CD80: variants seen among roughly 807,000 people sequenced by gnomAD.
The protein encoded by CD80 is CD80 molecule.
Under a neutral mutation model 27.1 loss-of-function variants are expected in CD80, and 13 were observed. The observed-to-expected ratio is 0.48, with a 90% CI of 0.31 to 0.76. CD80 has a LOEUF of 0.76. Ranked by LOEUF, CD80 falls within the 30% of genes least tolerant of loss-of-function variation. CD80 has a pLI of 0.04. For missense variants in CD80, 277 were observed against 347.9 expected (o/e 0.80, Z 1.62); for synonymous variants, 125 against 125.5 (o/e 1.00, Z 0.03).
rs560336545 is a variant in CD80 at position 119,538,990 on chromosome 3, A to G, written c.419-1572T>C. On this transcript the variant is annotated intron_variant, in intron 3 of 6. Transcript: ENST00000264246. Reference sequence around the variant, plus strand: ...CCATGACCAGTATTTTTTAATTTGCATATTTATTTCTGGATGGGTTTTCCC... The same window carrying G: ...CCATGACCAGTATTTTTTAATTTGCGTATTTATTTCTGGATGGGTTTTCCC... Among the ~76,000 whole-genome samples the G allele has an allele frequency of 4.8e-4, 73 of 152,242 alleles. No homozygotes were observed. In the South Asian group the frequency reaches 0.015, roughly 32 times the overall value.
intron 6 of CD80, among the ~76,000 whole-genome samples, chr3:119,526,480 G>C (rs2082066761): frequency 6.6e-6 from 1 of 152,184 alleles, no homozygotes; most frequent in Non-Finnish European, 1.5e-5. Flanking sequence ...TGAAAAAACA[G>C]GATAGGAAGT....
intron 2 of CD80, among the ~76,000 whole-genome samples, chr3:119,549,513 C>CCTT (rs2082219849): frequency 1.3e-5 from 2 of 152,190 alleles, no homozygotes; most frequent in Non-Finnish European, 2.9e-5. Context: ...CCCCTGGAGC[C>CCTT]ACACAGATCC....
At chr3:119,537,465 T>C (rs762931856) in intron 3 of CD80, 47 bp from the exon 4 acceptor site, 2 of 1,304,466 alleles carry the variant, frequency 1.5e-6, no homozygotes, top group Non-Finnish European at 2.2e-6. Flanking sequence ...TACAAACCTA[T>C]GTGTGTAGAG....
At chr3:119,548,069 C>T (rs111708003) in intron 2 of CD80, among the ~76,000 whole-genome samples, 1 of 152,050 alleles carries the variant, frequency 6.6e-6, no homozygotes, top group Non-Finnish European at 1.5e-5. Context: ...GCAACCTCCA[C>T]CCCCAGGTTC....
chr3:119,532,998 A>G (rs1485907513), intron 4 of CD80, among the ~76,000 whole-genome samples: 1 of 152,258 alleles, frequency 6.6e-6, no homozygotes, highest in Non-Finnish European at 1.5e-5. Flanking sequence ...AGTGATTACC[A>G]GAGTTGACCT....
chr3:119,543,373 T>A (rs2082181000), intron 3 of CD80, among the ~76,000 whole-genome samples: 2 of 151,840 alleles, frequency 1.3e-5, no homozygotes, highest in Admixed American at 6.6e-5. Flanking sequence ...GTGGCAGGAA[T>A]TAATTATGCA....
intron 4 of CD80, among the ~76,000 whole-genome samples, chr3:119,534,167 C>T (rs928754498): frequency 3.3e-5 from 5 of 151,872 alleles, no homozygotes; most frequent in African/African-American, 1.2e-4. Flanking sequence ...ATCAGGAGTT[C>T]GAGACCAGCC....
Position 119,557,707 on chromosome 3 carries a change from C to T in CD80, c.22G>A (p.Gly8Arg), listed in dbSNP as rs772876009. The change falls in exon 2 of 7, where the codon GGA becomes AGA. Residue 8 changes from glycine (G) to arginine (R), a missense_variant. Physicochemically the swap from Gly to Arg is moderately radical, Grantham distance 125. Transcript: ENST00000264246. ...TATGGACACTTGGATGGTGATGTTC[C>T]CTGCCTCCGTGTGTGGCCCATGGCT... MGHTRRQ[G>R]TSPSKCPYLN... 6.2e-7 allele frequency: 1 copy of T among 1,612,816 alleles called. No homozygotes were observed. The highest frequency in any genetic ancestry group is 1.7e-5 in the Admixed American group (1 of 59,928).
chr3:119,538,324 C>T (rs904753530), intron 3 of CD80, among the ~76,000 whole-genome samples: 3 of 152,038 alleles, frequency 2.0e-5, no homozygotes, highest in Non-Finnish European at 4.4e-5. Context: ...TTCTTTTCTT[C>T]CTGATGCTTG....
rs559692015 is a variant in CD80 at position 119,539,726 on chromosome 3, G to T, written c.419-2308C>A. Among the ~76,000 whole-genome samples, 3 of 143,712 alleles carry T rather than the reference G, an allele frequency of 2.1e-5. No homozygotes were observed. The East Asian group carries it at 5.8e-4, about 28-fold the overall frequency. The allele number at this position is 143,712 out of a possible 152,430, so 94.3% of individuals were successfully genotyped here. A position where few individuals can be genotyped will look rare whatever the true frequency, so the allele number is the denominator to read the frequency against. ...AAGAGATTAGCTTCTTAGCATGAATGTAGGGATTCAATCTCCTCATAGAGT... is the reference window on the plus strand; with the variant it reads ...AAGAGATTAGCTTCTTAGCATGAATTTAGGGATTCAATCTCCTCATAGAGT... On this transcript the variant is annotated intron_variant, in intron 3 of 6. Transcript: ENST00000264246.
rs531950603 is a variant in CD80, at chr3:119,546,234, C to T, written c.101-1367G>A. Among the ~76,000 whole-genome samples, 21 of 152,296 alleles carry T rather than the reference C, an allele frequency of 1.4e-4. No individual in the cohort carries two copies. The East Asian group carries it at 3.5e-3, about 25-fold the overall frequency. ...ACACAATACCACCCCCAAGAGAAGT[C>T]AGTCCTGACTAAGGTTCTGGGTACA... On this transcript the variant is annotated intron_variant, in intron 2 of 6. Transcript: ENST00000264246.
chr3:119,558,855 AAT>A (rs1349996631), intron 1 of CD80, among the ~76,000 whole-genome samples: 2 of 152,072 alleles, frequency 1.3e-5, no homozygotes, highest in Non-Finnish European at 1.5e-5. Flanking sequence ...GAGAAATGAA[AAT>A]AAACACTGTG....
At chr3:119,538,139 A>G (rs1333370201) in intron 3 of CD80, among the ~76,000 whole-genome samples, 3 of 152,250 alleles carry the variant, frequency 2.0e-5, no homozygotes, top group African/African-American at 7.2e-5. Flanking sequence ...AAGGTCAAAG[A>G]TCAGTAATTT....
intron 4 of CD80, among the ~76,000 whole-genome samples, chr3:119,535,157 A>C (rs1289391048): frequency 1.3e-5 from 2 of 149,578 alleles, no homozygotes; most frequent in Non-Finnish European, 1.5e-5. Context: ...ACGCCACTGC[A>C]CTCCAGCCTG....
intron 5 of CD80, among the ~76,000 whole-genome samples, chr3:119,528,504 C>A (rs2082090888): frequency 6.6e-6 from 1 of 152,140 alleles, no homozygotes; most frequent in Admixed American, 6.5e-5. Flanking sequence ...GTCTAACACC[C>A]AAAGTGTAAA....
At position 119,529,929 on chromosome 3, in the gene CD80, C is replaced by T. The variant is rs1471409221; in HGVS notation, c.709G>A (p.Glu237Lys). 1 of 1,611,016 alleles carries T rather than the reference C, an allele frequency of 6.2e-7. No homozygotes were observed. Among genetic ancestry groups the T allele is most frequent in the Non-Finnish European group, 8.5e-7 (1 of 1,177,302 alleles). ...GGGAGCAGGTTATCAGGAAAATGCTCTTGCTTGGCTATGGAGGGAAAAGAA... is the reference window on the plus strand; with the variant it reads ...GGGAGCAGGTTATCAGGAAAATGCTTTTGCTTGGCTATGGAGGGAAAAGAA... ...QTFNWNTTKQ[E>K]HFPDNLLPSW... The change falls in exon 5 of 7, where the codon GAG becomes AAG. Residue 237 changes from glutamate (E) to lysine (K), a missense_variant. By Grantham distance (56) the Glu-to-Lys change is moderately conservative. Coordinates refer to ENST00000264246, the MANE Select transcript of CD80 (RefSeq NM_005191.4).
chr3:119,553,761 T>C (rs1452371792), intron 2 of CD80, among the ~76,000 whole-genome samples: 1 of 152,278 alleles, frequency 6.6e-6, no homozygotes, highest in East Asian at 1.9e-4. Flanking sequence ...GTGTGCTTTT[T>C]AAATAAACAT....
intron 4 of CD80, among the ~76,000 whole-genome samples, 197 bp from the exon 5 acceptor site, chr3:119,530,134 A>G (rs1211834074): frequency 6.6e-6 from 1 of 152,228 alleles, no homozygotes; most frequent in African/African-American, 2.4e-5. Context: ...GATGTCACAT[A>G]TTAAAAGTGA....
At chr3:119,546,264 T>C (rs2082202304) in intron 2 of CD80, among the ~76,000 whole-genome samples, 1 of 152,134 alleles carries the variant, frequency 6.6e-6, no homozygotes, top group Admixed American at 6.5e-5. Flanking sequence ...GGTACAGTGG[T>C]GGTGGAGGAG....
Sources: gnomAD v4.1 joint callset for allele counts (sites outside exome capture counted in the v4.1 genomes callset) on GRCh38, gnomAD v4.1.1 for gene constraint, MANE v1.5 for transcripts, NCBI Gene and HGNC (gene_info 2026-07-23, HGNC 2026-07-21) for gene names.